MTA3: variants seen among roughly 807,000 people sequenced by gnomAD.
MTA3 encodes the protein metastasis associated 1 family member 3.
MTA3 carries 34 observed loss-of-function variants against 83.5 expected under a neutral mutation model. The ratio of observed to expected loss-of-function variants is 0.41; its 90% confidence interval spans 0.31 to 0.54. MTA3 has a LOEUF of 0.54. Ranked by LOEUF, MTA3 falls within the 20% of genes least tolerant of loss-of-function variation. The pLI, the probability that MTA3 is intolerant of heterozygous loss-of-function variation, is 0.33. For missense variants in MTA3, 761 were observed against 726.4 expected, an observed-to-expected ratio of 1.05 and a Z score of -0.55; for synonymous variants, 303 against 252.7, an observed-to-expected ratio of 1.20 and a Z score of -1.89.
At chr2:42,574,273 T>C (rs1423060357) in intron 2 of MTA3, among the ~76,000 whole-genome samples, 1 of 151,724 alleles carries the variant, frequency 6.6e-6, no homozygotes, top group Non-Finnish European at 1.5e-5. Context: ...CAGCTGGGAT[T>C]ATAGGCATGC....
intron 3 of MTA3, among the ~76,000 whole-genome samples, chr2:42,594,667 C>T (rs1458251161): frequency 4.0e-5 from 5 of 123,836 alleles, no homozygotes; most frequent in Non-Finnish European, 8.5e-5. Flanking sequence ...TATATATACA[C>T]ACATATATAA....
chr2:42,657,510 A>T (rs1335807492), intron 7 of MTA3, among the ~76,000 whole-genome samples: 3 of 152,056 alleles, frequency 2.0e-5, no homozygotes, highest in Non-Finnish European at 4.4e-5. Flanking sequence ...TTCAAATTAG[A>T]TTTGTATTCT....
At chr2:42,540,508 T>C (rs1676471350) in intron 2 of MTA3, among the ~76,000 whole-genome samples, 1 of 152,026 alleles carries the variant, frequency 6.6e-6, no homozygotes, top group South Asian at 2.1e-4. Context: ...GATCTGTCTA[T>C]ATTTTGAAAA....
chr2:42,701,206 G>A (rs1369469656), intron 11 of MTA3, among the ~76,000 whole-genome samples: 11 of 150,122 alleles, frequency 7.3e-5, no homozygotes, highest in Admixed American at 6.7e-4. Flanking sequence ...GGAGGCTGAG[G>A]TGGGAGGATC....
At chr2:42,581,733 T>C (rs1334397796) in intron 3 of MTA3, 1 of 281,390 alleles carries the variant, frequency 3.6e-6, no homozygotes, top group Non-Finnish European at 6.9e-6. Context: ...CCAAAGTATA[T>C]GAACATAAAT....
At chr2:42,730,255 AAAT>A (rs1370895374) in intron 16 of MTA3, among the ~76,000 whole-genome samples, 2 of 152,120 alleles carry the variant, frequency 1.3e-5, no homozygotes, top group Non-Finnish European at 2.9e-5. Context: ...GTACTCTGTT[AAAT>A]AACAGTGGTG....
rs114634516 is a variant in MTA3, at chr2:42,504,083, C to G, written c.-141+8829C>G. On this transcript the variant is annotated intron_variant, in intron 2 of 17. Transcript: ENST00000405592. ...GGATTACAGGCAGCTGTCACCACGC[C>G]CAGCCCAGCTAACTTATTGTATTTT... Among the ~76,000 whole-genome samples, 305 of 151,948 alleles carry G rather than the reference C, an allele frequency of 2.0e-3. 1 individual carries two copies. The highest frequency in any genetic ancestry group is 6.9e-3 in the African/African-American group (286 of 41,406).
At chr2:42,732,845 C>T (rs186746950) in intron 16 of MTA3, among the ~76,000 whole-genome samples, 2 of 152,328 alleles carry the variant, frequency 1.3e-5, no homozygotes, top group East Asian at 3.9e-4. Context: ...GGGCAAAATG[C>T]CACTAGTCTC....
intron 6 of MTA3, among the ~76,000 whole-genome samples, chr2:42,655,005 A>C (rs966928711): frequency 2.6e-5 from 4 of 152,104 alleles, no homozygotes. Flanking sequence ...GACATTCCCA[A>C]ATCTCCTTTC....
chr2:42,591,965 T>G (rs1331252346), intron 3 of MTA3, among the ~76,000 whole-genome samples: 2 of 151,742 alleles, frequency 1.3e-5, no homozygotes, highest in Admixed American at 1.3e-4. Flanking sequence ...TTTTTTCCTA[T>G]TAAGAAAAAT....
chr2:42,548,817 A>ATATATATTATATAATATAT (rs1676888277), intron 2 of MTA3, among the ~76,000 whole-genome samples: 1 of 23,230 alleles, frequency 4.3e-5, no homozygotes, highest in Non-Finnish European at 9.8e-5. Flanking sequence ...AAAAATATAT[A>ATATATATTATATAATATAT]TATATATATA....
At chr2:42,515,248 A>G (rs895663598) in intron 2 of MTA3, among the ~76,000 whole-genome samples, 6 of 151,836 alleles carry the variant, frequency 4.0e-5, no homozygotes, top group East Asian at 2.0e-4. Flanking sequence ...TAGTAGAGAC[A>G]GGGTTTCACC....
intron 2 of MTA3, among the ~76,000 whole-genome samples, chr2:42,559,737 G>A (rs1677575677): frequency 6.7e-6 from 1 of 149,460 alleles, no homozygotes; most frequent in South Asian, 2.1e-4. Context: ...TTAGCCAGGC[G>A]TGGTAGCGCA....
chr2:42,536,842 G>T, intron 2 of MTA3, among the ~76,000 whole-genome samples: 2 of 127,768 alleles, frequency 1.6e-5, no homozygotes, highest in African/African-American at 3.2e-5. Context: ...CTGGGCAACA[G>T]AGTGAGACCC....
At chr2:42,559,028 C>A (rs959965101) in intron 2 of MTA3, among the ~76,000 whole-genome samples, 2 of 152,130 alleles carry the variant, frequency 1.3e-5, no homozygotes, top group African/African-American at 4.8e-5. Context: ...TCCTCTCCAC[C>A]CACACTCCCT....
intron 2 of MTA3, among the ~76,000 whole-genome samples, chr2:42,543,810 T>C (rs1222890308): frequency 6.6e-6 from 1 of 151,934 alleles, no homozygotes; most frequent in East Asian, 1.9e-4. Context: ...TAAAAAATTA[T>C]GTATCTAACA....
chr2:42,655,836 C>G (rs1245588127), intron 6 of MTA3, among the ~76,000 whole-genome samples: 1 of 152,228 alleles, frequency 6.6e-6, no homozygotes, highest in Non-Finnish European at 1.5e-5. Context: ...CTTCTGGCCT[C>G]AAGTGATCTG....
intron 2 of MTA3, among the ~76,000 whole-genome samples, chr2:42,506,278 CTACT>C (rs1674623667): frequency 6.6e-6 from 1 of 151,916 alleles, no homozygotes. Context: ...GACCCTGTCT[CTACT>C]AAAAATAATT....
intron 2 of MTA3, among the ~76,000 whole-genome samples, chr2:42,559,261 G>A (rs1237367258): frequency 6.6e-6 from 1 of 152,120 alleles, no homozygotes; most frequent in Non-Finnish European, 1.5e-5. Flanking sequence ...CAGCACTTTG[G>A]GAGGTCAAGG....
Sources: allele counts gnomAD v4.1 joint callset (sites outside exome capture counted in the v4.1 genomes callset), GRCh38; gene constraint gnomAD v4.1.1; transcripts MANE v1.5; gene names NCBI Gene and HGNC (gene_info 2026-07-23, HGNC 2026-07-21).